The following CLHC1 variants were observed in gnomAD, a reference collection of about 807,000 sequenced individuals.
CLHC1 encodes the protein clathrin heavy chain linker domain containing 1, also known as clathrin heavy chain linker domain-containing protein 1.
A neutral mutation model predicts 69.5 loss-of-function variants in CLHC1; 72 were observed. The observed-to-expected ratio is 1.04, with a 90% CI of 0.86 to 1.26. CLHC1 has a LOEUF of 1.26. CLHC1 is among the 50% of genes most tolerant of loss of function. CLHC1 has a pLI of 0.00. For missense variants in CLHC1, 790 were observed against 679.3 expected, an observed-to-expected ratio of 1.16 and a Z score of -1.81; for synonymous variants, 223 against 224.3, an observed-to-expected ratio of 0.99 and a Z score of 0.05.
At chr2:55,178,478 T>G (rs1034500378) in intron 11 of CLHC1, among the ~76,000 whole-genome samples, 2 of 152,122 alleles carry the variant, frequency 1.3e-5, no homozygotes. Context: ...CAATTATGAT[T>G]TGTATTCTTA....
chr2:55,210,083 C>T (rs963116626), intron 5 of CLHC1, among the ~76,000 whole-genome samples: 3 of 152,154 alleles, frequency 2.0e-5, no homozygotes, highest in Non-Finnish European at 4.4e-5. Context: ...AGTCTTAAAA[C>T]TCCTGGGCTC....
intron 2 of CLHC1, chr2:55,224,309 T>G (rs1674479036): frequency 4.9e-5 from 23 of 465,844 alleles, no homozygotes; most frequent in South Asian, 3.7e-4. Context: ...TGCCGTCCTC[T>G]GGGAGTGTTT....
intron 11 of CLHC1, among the ~76,000 whole-genome samples, chr2:55,179,949 TC>T (rs1669758029): frequency 1.3e-5 from 2 of 152,100 alleles, no homozygotes; most frequent in South Asian, 4.2e-4. Flanking sequence ...GATCAGGAGA[TC>T]AAGACCATCC....
chr2:55,217,088 G>C (rs985067590), intron 4 of CLHC1, among the ~76,000 whole-genome samples: 12 of 152,098 alleles, frequency 7.9e-5, no homozygotes, highest in Non-Finnish European at 1.0e-4. Flanking sequence ...CCAGCTACTT[G>C]GGAGGCTGAG....
At chr2:55,224,385 A>T in intron 2 of CLHC1, 1 of 440,078 alleles carries the variant, frequency 2.3e-6, no homozygotes, top group Non-Finnish European at 4.6e-6. Flanking sequence ...CCCGACACCC[A>T]GTGGATGGTC....
At chr2:55,231,032 T>C (rs907305727) in intron 1 of CLHC1, among the ~76,000 whole-genome samples, 2 of 152,034 alleles carry the variant, frequency 1.3e-5, no homozygotes, top group African/African-American at 4.8e-5. Flanking sequence ...GATGGATCAT[T>C]TGAGGTCAGG....
chr2:55,213,242 G>C (rs909625231), intron 4 of CLHC1, among the ~76,000 whole-genome samples: 1 of 152,200 alleles, frequency 6.6e-6, no homozygotes, highest in Non-Finnish European at 1.5e-5. Flanking sequence ...CAAAATCAAA[G>C]TGTTGGCAGA....
intron 9 of CLHC1, among the ~76,000 whole-genome samples, chr2:55,205,268 C>G (rs987445808): frequency 6.6e-6 from 1 of 152,080 alleles, no homozygotes; most frequent in South Asian, 2.1e-4. Flanking sequence ...TACTGGGTAT[C>G]TACCCAAAGG....
chr2:55,206,285 T>C lies in CLHC1; in HGVS notation c.991A>G (p.Met331Val). 6.3e-7 allele frequency: 1 copy of C among 1,593,600 alleles called. No homozygotes were observed. Among genetic ancestry groups the C allele is most frequent in the Non-Finnish European group, 8.6e-7 (1 of 1,161,824 alleles). Residue 331 changes from methionine (M) to valine (V), a missense_variant, in exon 9 of 13, where the codon ATG (methionine) becomes GTG (valine). Coordinates refer to ENST00000401408, the MANE Select transcript of CLHC1 (RefSeq NM_152385.4). The part of the protein sequence containing the change: ...PRRILRNIGT[M>V]NTFKAVGKIR... ...AAATGCTTACCCTTAAATGTATTCA[T>C]TGTACCAATGTTTCGAAGAATTCTT...
At position 55,174,982 on chromosome 2, in the gene CLHC1, G is replaced by A. The variant is rs1323744301; in HGVS notation, c.*808C>T. 1 of 152,044 alleles carries A rather than the reference G, an allele frequency of 6.6e-6. No individual in the cohort carries two copies. Among genetic ancestry groups the A allele is most frequent in the Non-Finnish European group, 1.5e-5 (1 of 68,024 alleles). 9.4% of individuals were successfully genotyped at this position (152,044 alleles called of 1,614,324 possible). On this transcript the variant is annotated 3_prime_UTR_variant, in exon 13 of 13. Coordinates refer to ENST00000401408, the MANE Select transcript of CLHC1 (RefSeq NM_152385.4). Reference sequence around the variant, plus strand: ...GCTAGTAAGCTCTGGTGTGGCATAAGGGCTAAAGGCTGTTCTGATTAATTA... The same window carrying A: ...GCTAGTAAGCTCTGGTGTGGCATAAAGGCTAAAGGCTGTTCTGATTAATTA...
At chr2:55,183,854 C>G (rs1207490191) in intron 9 of CLHC1, among the ~76,000 whole-genome samples, 1 of 152,082 alleles carries the variant, frequency 6.6e-6, no homozygotes, top group Non-Finnish European at 1.5e-5. Flanking sequence ...GATCTCGGCT[C>G]ACTGCAACCT....
chr2:55,180,161 AT>A (rs199788719), intron 11 of CLHC1, among the ~76,000 whole-genome samples: 45 of 136,240 alleles, frequency 3.3e-4, no homozygotes, highest in Middle Eastern at 3.8e-3. Flanking sequence ...TCAAAAAAAA[AT>A]ATATATATAT....
chr2:55,188,043 G>A (rs1020682515), intron 9 of CLHC1, among the ~76,000 whole-genome samples: 1 of 152,178 alleles, frequency 6.6e-6, no homozygotes, highest in Admixed American at 6.5e-5. Context: ...GCTGAGTGCA[G>A]TGGCTCACAC....
chr2:55,214,292 G>C (rs957152600), intron 4 of CLHC1: 2 of 152,248 alleles, frequency 1.3e-5, no homozygotes, highest in Non-Finnish European at 2.9e-5. Flanking sequence ...GGCAGATCAC[G>C]AGGTCAGGAG....
chr2:55,202,714 T>C (rs950651117), intron 9 of CLHC1, among the ~76,000 whole-genome samples: 5 of 151,820 alleles, frequency 3.3e-5, no homozygotes, highest in Admixed American at 1.3e-4. Flanking sequence ...CTGGCCAACA[T>C]GGCAAAACTC....
chr2:55,180,152 C>CA (rs112375124), intron 11 of CLHC1, among the ~76,000 whole-genome samples: 27,479 of 145,344 alleles, frequency 0.19, 2,686 homozygotes, highest in East Asian at 0.4. Context: ...GACTCCATCT[C>CA]AAAAAAAAAT....
rs886080508 is a variant in CLHC1, at chr2:55,180,801, C to T, written c.1182-89G>A. 2.3e-5 allele frequency: 21 copies of T among 907,910 alleles called. No individual in the cohort carries two copies. The African/African-American group carries it at 3.3e-4, about 14-fold the overall frequency. 56.2% of individuals were successfully genotyped at this position (907,910 alleles called of 1,614,324 possible). ...TATTTGAAAATTCAGCACAGTAGGA[C>T]TGGATTTTCTACTACCTGTAAGAAT... On this transcript the variant is annotated intron_variant, in intron 10 of 12. Coordinates refer to ENST00000401408, the MANE Select transcript of CLHC1 (RefSeq NM_152385.4).
intron 2 of CLHC1, among the ~76,000 whole-genome samples, chr2:55,227,199 T>G (rs1435207872): frequency 6.6e-6 from 1 of 152,242 alleles, no homozygotes; most frequent in East Asian, 1.9e-4. Flanking sequence ...ACTCATTAAT[T>G]AATCAAGTTT....
chr2:55,195,533 G>A (rs140794961), intron 9 of CLHC1, among the ~76,000 whole-genome samples: 3,500 of 152,276 alleles, frequency 0.023, 58 homozygotes, highest in Non-Finnish European at 0.033. Context: ...CGGGCATGGC[G>A]GCTCACACCT....
Sources: allele counts gnomAD v4.1 joint callset (sites outside exome capture counted in the v4.1 genomes callset), GRCh38; gene constraint gnomAD v4.1.1; transcripts MANE v1.5; gene names NCBI Gene and HGNC (gene_info 2026-07-23, HGNC 2026-07-21).